The following RNF38 variants were observed in gnomAD, a reference collection of about 807,000 sequenced individuals.
The protein encoded by RNF38 is ring finger protein 38.
In RNF38, 15 loss-of-function variants were observed where a neutral mutation model predicts 67.2. That is an observed-to-expected ratio of 0.22 (90% CI 0.15 to 0.34). The LOEUF (loss-of-function observed/expected upper bound fraction) is 0.34. Ranked by LOEUF, RNF38 falls within the 10% of genes least tolerant of loss-of-function variation. The pLI is 1.00. For synonymous variants in RNF38, 220 were observed against 218.8 expected, an observed-to-expected ratio of 1.01 and a Z score of -0.05; for missense variants, 524 against 639.9, an observed-to-expected ratio of 0.82 and a Z score of 1.95.
At chr9:36,390,004 A>C (rs1317385293) in intron 2 of RNF38, among the ~76,000 whole-genome samples, 1 of 152,242 alleles carries the variant, frequency 6.6e-6, no homozygotes, top group African/African-American at 2.4e-5. Context: ...ATATTTAAAA[A>C]AAAATTTTTA....
intron 2 of RNF38, among the ~76,000 whole-genome samples, chr9:36,416,284 G>A (rs563309810): frequency 6.6e-6 from 1 of 151,954 alleles, no homozygotes; most frequent in Non-Finnish European, 1.5e-5. Flanking sequence ...GGTTGCCTCT[G>A]CTGCTTCAAA....
intron 2 of RNF38, among the ~76,000 whole-genome samples, chr9:36,381,969 C>T (rs1457441959): frequency 6.6e-6 from 1 of 152,234 alleles, no homozygotes; most frequent in Non-Finnish European, 1.5e-5. Flanking sequence ...GCTTCAGAAA[C>T]ACCAGATTGC....
At chr9:36,399,486 TA>T (rs1837820948) in intron 1 of RNF38, among the ~76,000 whole-genome samples, 1 of 81,062 alleles carries the variant, frequency 1.2e-5, no homozygotes, top group East Asian at 3.1e-4. Flanking sequence ...ATATTATAAA[TA>T]TATATAATAT....
At chr9:36,414,895 AG>A (rs1434319566) in intron 2 of RNF38, among the ~76,000 whole-genome samples, 13 of 152,294 alleles carry the variant, frequency 8.5e-5, no homozygotes, top group African/African-American at 3.1e-4. Context: ...AATCCCTTCT[AG>A]CTTGCAGGGT....
chr9:36,342,227 TCTTC>T (rs1224284361), intron 11 of RNF38, 94 bp downstream of exon 11: 3 of 829,466 alleles, frequency 3.6e-6, no homozygotes. Flanking sequence ...TTCCATTTTG[TCTTC>T]CTTCCTGTCC....
At chr9:36,426,464 G>C (rs766170283) in intron 1 of RNF38, among the ~76,000 whole-genome samples, 6 of 152,130 alleles carry the variant, frequency 3.9e-5, no homozygotes, top group Non-Finnish European at 8.8e-5. Context: ...CATAATGTTT[G>C]CAAGGTTCAT....
chr9:36,378,407 A>G (rs1174029982), intron 2 of RNF38, among the ~76,000 whole-genome samples: 2 of 151,952 alleles, frequency 1.3e-5, no homozygotes, highest in African/African-American at 4.8e-5. Context: ...TGATCTCCTG[A>G]CCTCATGATC....
chr9:36,396,960 T>TA (rs1226360271), intron 1 of RNF38, among the ~76,000 whole-genome samples: 51 of 146,268 alleles, frequency 3.5e-4, no homozygotes, highest in Admixed American at 4.8e-4. Context: ...CTGAAAGGAA[T>TA]AAAAAAAAAA....
chr9:36,449,917 T>C (rs1286318547), intron 1 of RNF38, among the ~76,000 whole-genome samples: 1 of 152,318 alleles, frequency 6.6e-6, no homozygotes, highest in East Asian at 1.9e-4. Flanking sequence ...CTCACTGATT[T>C]AAAGGCTGGT....
chr9:36,461,866 T>C (rs1457417886), intron 1 of RNF38, among the ~76,000 whole-genome samples: 1 of 152,176 alleles, frequency 6.6e-6, no homozygotes, highest in Non-Finnish European at 1.5e-5. Flanking sequence ...GAACTCCCTA[T>C]AAAATACAAA....
chr9:36,398,309 C>T (rs1162397582), intron 1 of RNF38, among the ~76,000 whole-genome samples: 2 of 152,164 alleles, frequency 1.3e-5, no homozygotes, highest in Non-Finnish European at 2.9e-5. Context: ...TGGCAAACAC[C>T]TGTAGTCCTA....
At position 36,357,826 on chromosome 9, in the gene RNF38, G is replaced by A. The variant is rs1834242567; in HGVS notation, c.687C>T (p.Cys229=). 1.2e-6 allele frequency: 2 copies of A among 1,613,812 alleles called. No individual in the cohort carries two copies. Among genetic ancestry groups the A allele is most frequent in the South Asian group, 2.2e-5 (2 of 91,086 alleles). The change falls in exon 5 of 12, where the codon TGC becomes TGT. Residue 229 remains cysteine (C), a synonymous_variant. Transcript: ENST00000259605. ...GGTGCTGTCCACTGAAAACCACAGA[G>A]CATCCTGGGACCTGCTGTGTACTAC... ...PACSTQQVPG[C]SVVFSGQHLP...
chr9:36,442,942 C>T (rs990890163), intron 1 of RNF38, among the ~76,000 whole-genome samples: 5 of 152,192 alleles, frequency 3.3e-5, no homozygotes, highest in African/African-American at 9.7e-5. Context: ...GTTGCTCACC[C>T]AAATTCTTCA....
chr9:36,453,678 C>T (rs1025108494), intron 1 of RNF38, among the ~76,000 whole-genome samples: 5 of 152,080 alleles, frequency 3.3e-5, no homozygotes, highest in East Asian at 1.9e-4. Flanking sequence ...CCACTGCGCC[C>T]GCCACTGAGC....
At chr9:36,372,672 G>A (rs1835477070) in intron 3 of RNF38, 1 of 577,754 alleles carries the variant, frequency 1.7e-6, no homozygotes, top group Non-Finnish European at 3.1e-6. Context: ...CCAGTTTTCA[G>A]GGTGGTAAAT....
intron 1 of RNF38, among the ~76,000 whole-genome samples, chr9:36,479,707 G>C (rs2134446907): frequency 6.6e-6 from 1 of 152,154 alleles, no homozygotes; most frequent in Non-Finnish European, 1.5e-5. Context: ...AAGATGTATT[G>C]AGGTGGCAAT....
intron 1 of RNF38, among the ~76,000 whole-genome samples, chr9:36,449,124 A>T (rs1839377276): frequency 6.6e-6 from 1 of 152,230 alleles, no homozygotes; most frequent in Admixed American, 6.5e-5. Flanking sequence ...TTTTTGGTAG[A>T]ATTATTTTTT....
chr9:36,462,165 C>T (rs1839747950), intron 1 of RNF38, among the ~76,000 whole-genome samples: 1 of 152,138 alleles, frequency 6.6e-6, no homozygotes, highest in South Asian at 2.1e-4. Flanking sequence ...GGTTTGGCAA[C>T]CCACCATTAT....
chr9:36,358,874 G>C (rs1351777467), intron 4 of RNF38, among the ~76,000 whole-genome samples: 1 of 152,148 alleles, frequency 6.6e-6, no homozygotes, highest in Non-Finnish European at 1.5e-5. Context: ...AGCTGGGAGT[G>C]GTGGCGGGTG....
Sources: allele counts gnomAD v4.1 joint callset (sites outside exome capture counted in the v4.1 genomes callset), GRCh38; gene constraint gnomAD v4.1.1; transcripts MANE v1.5; gene names NCBI Gene and HGNC (gene_info 2026-07-23, HGNC 2026-07-21).